The following EFNA5 variants were observed in gnomAD, a reference collection of about 807,000 sequenced individuals.
The protein encoded by EFNA5 is ephrin-A5.
A neutral mutation model predicts 22.9 loss-of-function variants in EFNA5; 5 were observed. The ratio of observed to expected loss-of-function variants is 0.22; its 90% confidence interval spans 0.11 to 0.46. The LOEUF (loss-of-function observed/expected upper bound fraction) is 0.46. Ranked by LOEUF, EFNA5 falls within the 20% of genes least tolerant of loss-of-function variation. The pLI, the probability that EFNA5 is intolerant of heterozygous loss-of-function variation, is 0.99. For synonymous variants in EFNA5, 113 were observed against 112.2 expected (o/e 1.01, Z -0.04); for missense variants, 237 against 293.3 (o/e 0.81, Z 1.40).
intron 2 of EFNA5, among the ~76,000 whole-genome samples, chr5:107,416,653 T>C (rs1170876213): frequency 6.6e-6 from 1 of 152,184 alleles, no homozygotes; most frequent in Non-Finnish European, 1.5e-5. Flanking sequence ...TGAGTAAACC[T>C]TTAGCAAAAG....
At chr5:107,525,378 G>C (rs1240132371) in intron 1 of EFNA5, among the ~76,000 whole-genome samples, 5 of 152,038 alleles carry the variant, frequency 3.3e-5, no homozygotes, top group African/African-American at 1.2e-4. Flanking sequence ...ATATGTTAAT[G>C]TAAATGGTTC....
intron 1 of EFNA5, among the ~76,000 whole-genome samples, chr5:107,564,636 T>TA (rs200100281): frequency 0.023 from 2,401 of 102,242 alleles, 72 homozygotes; most frequent in African/African-American, 0.089. Context: ...TTTTTGTTTT[T>TA]TTTTTTTTTT....
intron 1 of EFNA5, among the ~76,000 whole-genome samples, chr5:107,602,879 G>C (rs569989257): frequency 6.6e-6 from 1 of 152,268 alleles, no homozygotes; most frequent in East Asian, 1.9e-4. Context: ...AGTGACTAGA[G>C]GCCATGGGCT....
intron 1 of EFNA5, among the ~76,000 whole-genome samples, chr5:107,592,384 G>C (rs1436588779): frequency 2.0e-5 from 3 of 151,670 alleles, no homozygotes; most frequent in Non-Finnish European, 4.4e-5. Flanking sequence ...TCAACTGATG[G>C]ATGCAAATAC....
intron 1 of EFNA5, among the ~76,000 whole-genome samples, chr5:107,623,027 CAAAAAAAAAAAAAAA>C (rs61689503): frequency 1.7e-4 from 5 of 29,886 alleles, no homozygotes; most frequent in African/African-American, 2.7e-4. Flanking sequence ...GACTCCGTCT[CAAAAAAAAAAAAAAA>C]AAAAAAAAAA....
intron 1 of EFNA5, among the ~76,000 whole-genome samples, chr5:107,456,647 T>C (rs1749706657): frequency 6.6e-6 from 1 of 152,106 alleles, no homozygotes; most frequent in African/African-American, 2.4e-5. Context: ...TCTACACTAG[T>C]TGAACAAACC....
At chr5:107,390,086 A>T (rs1275403276) in intron 2 of EFNA5, among the ~76,000 whole-genome samples, 1 of 152,258 alleles carries the variant, frequency 6.6e-6, no homozygotes. Context: ...GTAAACTCCT[A>T]ACCCTTACAG....
chr5:107,471,233 T>C (rs761803754), intron 1 of EFNA5, among the ~76,000 whole-genome samples: 8 of 152,184 alleles, frequency 5.3e-5, no homozygotes, highest in Non-Finnish European at 1.2e-4. Flanking sequence ...AGGACTCTTC[T>C]GTAACCTGGT....
chr5:107,492,807 T>A (rs1309771179), intron 1 of EFNA5, among the ~76,000 whole-genome samples: 1 of 152,166 alleles, frequency 6.6e-6, no homozygotes, highest in Non-Finnish European at 1.5e-5. Context: ...GAGACCAGCT[T>A]GGCCAACATG....
At chr5:107,643,943 A>G (rs1020477565) in intron 1 of EFNA5, among the ~76,000 whole-genome samples, 6 of 152,062 alleles carry the variant, frequency 3.9e-5, no homozygotes, top group Admixed American at 3.3e-4. Context: ...TGAAAATTAG[A>G]AAGACTTTTC....
chr5:107,515,634 T>C (rs1181878044), intron 1 of EFNA5, among the ~76,000 whole-genome samples: 1 of 152,140 alleles, frequency 6.6e-6, no homozygotes, highest in Non-Finnish European at 1.5e-5. Flanking sequence ...TGCCTTGGCC[T>C]CCCAAAGTGC....
intron 1 of EFNA5, among the ~76,000 whole-genome samples, chr5:107,528,727 T>C (rs1747749531): frequency 6.6e-6 from 1 of 152,228 alleles, no homozygotes; most frequent in African/African-American, 2.4e-5. Flanking sequence ...GATATCATTA[T>C]GGTCAAACTA....
At chr5:107,527,424 C>T (rs1412393000) in intron 1 of EFNA5, among the ~76,000 whole-genome samples, 1 of 151,832 alleles carries the variant, frequency 6.6e-6, no homozygotes, top group Non-Finnish European at 1.5e-5. Flanking sequence ...GTAGCTCGGA[C>T]TACAGGCATA....
chr5:107,652,656 T>A (rs961493588), intron 1 of EFNA5, among the ~76,000 whole-genome samples: 1 of 152,210 alleles, frequency 6.6e-6, no homozygotes, highest in Non-Finnish European at 1.5e-5. Flanking sequence ...ATGCTATTGG[T>A]TTTACTGTGT....
intron 2 of EFNA5, among the ~76,000 whole-genome samples, chr5:107,419,054 T>C (rs3797527): frequency 0.24 from 36,053 of 152,246 alleles, 4,368 homozygotes; most frequent in South Asian, 0.35. Context: ...CTATGTGAAG[T>C]GTGCTAGGCG....
At chr5:107,604,479 G>C (rs1319379755) in intron 1 of EFNA5, among the ~76,000 whole-genome samples, 3 of 152,098 alleles carry the variant, frequency 2.0e-5, no homozygotes, top group South Asian at 2.1e-4. Flanking sequence ...CAGAACACTA[G>C]TCTCAGTGAA....
chr5:107,417,718 T>C (rs1009308620), intron 2 of EFNA5, among the ~76,000 whole-genome samples: 1 of 152,126 alleles, frequency 6.6e-6, no homozygotes, highest in Non-Finnish European at 1.5e-5. Context: ...CTAGAGATAT[T>C]TTTTTAGCAA....
At chr5:107,412,353 ATAATAGTTTGT>A (rs1748390511) in intron 2 of EFNA5, among the ~76,000 whole-genome samples, 1 of 152,216 alleles carries the variant, frequency 6.6e-6, no homozygotes, top group African/African-American at 2.4e-5. Flanking sequence ...CTAAGGACCC[ATAATAGTTTGT>A]TCTCAGTAGC....
intron 1 of EFNA5, among the ~76,000 whole-genome samples, chr5:107,547,686 T>C (rs1330348898): frequency 7.4e-6 from 1 of 135,296 alleles, no homozygotes; most frequent in Non-Finnish European, 1.6e-5. Context: ...TGAAGTCCCT[T>C]GTTATTTTTA....
Sources: gnomAD v4.1 joint callset for allele counts (sites outside exome capture counted in the v4.1 genomes callset) on GRCh38, gnomAD v4.1.1 for gene constraint, MANE v1.5 for transcripts, NCBI Gene and HGNC (gene_info 2026-07-23, HGNC 2026-07-21) for gene names.